The following CIITA variants were observed in gnomAD, a reference collection of about 807,000 sequenced individuals.
CIITA encodes the protein class II major histocompatibility complex transactivator.
Under a neutral mutation model 115.1 loss-of-function variants are expected in CIITA, and 72 were observed. That is an observed-to-expected ratio of 0.63 (90% CI 0.52 to 0.76). The LOEUF (loss-of-function observed/expected upper bound fraction) is 0.76. Among genes scored for constraint, CIITA ranks in the 30% least tolerant of loss-of-function variants. The pLI is 0.00. For missense variants in CIITA, 1,617 were observed against 1,463.8 expected (o/e 1.10, Z -1.71); for synonymous variants, 763 against 635.6 (o/e 1.20, Z -3.02).
intron 2 of CIITA, 42 bp downstream of exon 2, chr16:10,895,470 C>G: frequency 6.2e-7 from 1 of 1,610,316 alleles, no homozygotes. Context: ...ATCCCCCACC[C>G]CTCAGCTTGC....
chr16:10,942,186 G>A lies in CIITA; in HGVS notation n.1312G>A, dbSNP rs60427854. 6.4e-4 allele frequency: 305 copies of A among 473,744 alleles called. 1 individual carries two copies. Among genetic ancestry groups the A allele is most frequent in the African/African-American group, 5.7e-3 (275 of 48,424 alleles). The allele number at this position is 473,744 out of a possible 1,614,324, so 29.3% of individuals were successfully genotyped here. On this transcript the variant is annotated non_coding_transcript_exon_variant, in exon 2 of 2. Coordinates refer to the CIITA transcript ENST00000573379. This position sits in a 1 kb window ranked among gnomAD's most constrained non-coding sequence, Gnocchi z 5.0. ...CCGACCCCCGAAATGCGCCGGGCGG[G>A]TCACCGCACCCCGAGATGTGCCCCC...
exon 1 of CIITA, chr16:10,866,307 C>A (rs147874115): frequency 1.8e-6 from 1 of 568,710 alleles, no homozygotes; most frequent in East Asian, 3.7e-5. Flanking sequence ...ACTTCCAGGC[C>A]ATCCTGACTC....
In CIITA at chr16:10,935,153, G is replaced by A. The variant is rs2040976298; in HGVS notation, c.*11298G>A. On this transcript the variant is annotated 3_prime_UTR_variant, in exon 20 of 20. Coordinates refer to ENST00000324288, the MANE Select transcript of CIITA (RefSeq NM_000246.4). ...AGGCTTAGGAGATGAAGTCTGAGGT[G>A]TTGGTGGAGCTGGGATTTAAACCAA... The A allele has an allele frequency of 6.6e-6, 1 of 152,256 alleles. No individual in the cohort carries two copies. Among genetic ancestry groups the A allele is most frequent in the Non-Finnish European group, 1.5e-5 (1 of 68,036 alleles). 9.4% of individuals were successfully genotyped at this position (152,256 alleles called of 1,614,324 possible).
chr16:10,916,880 C>T (rs1020285192), intron 15 of CIITA: 2 of 354,144 alleles, frequency 5.6e-6, no homozygotes, highest in African/African-American at 2.1e-5. Flanking sequence ...CTACTATGTG[C>T]AGGCACCTTT....
chr16:10,875,698 A>T (rs2035786345), upstream of CIITA, among the ~76,000 whole-genome samples: 1 of 151,932 alleles, frequency 6.6e-6, no homozygotes, highest in Admixed American at 6.6e-5. Context: ...GAGAGGCAGG[A>T]TCTCACTCTG....
At chr16:10,922,532 C>T (rs929148308) in intron 18 of CIITA, 42 bp downstream of exon 18, 35 of 1,598,074 alleles carry the variant, frequency 2.2e-5, no homozygotes, top group Non-Finnish European at 2.8e-5. Flanking sequence ...CAACTCACTC[C>T]CCAGGCGTGT....
In CIITA at chr16:10,907,431, C is replaced by A. The variant is rs372705496; in HGVS notation, c.1939C>A (p.Arg647Ser). ...GGGACTCTATGTCGGCCTGCTGGGC[C>A]GTGCAGCCCTCGACAGCCCCCCCGG... is the stretch of plus-strand genomic sequence containing the variant. ...LTGLYVGLLG[R>S]AALDSPPGAL... Residue 647 changes from arginine (R) to serine (S), a missense_variant, in exon 11 of 20, where the codon CGT becomes AGT. By Grantham distance (110) the Arg-to-Ser change is moderately radical (BLOSUM62 -1). Transcript: ENST00000324288. The surrounding 1 kb of genome is among the most constrained non-coding windows in gnomAD (Gnocchi z 5.0). 4 of 1,613,180 alleles carry A rather than the reference C, an allele frequency of 2.5e-6. No homozygotes were observed. Among genetic ancestry groups the A allele is most frequent in the Middle Eastern group, 1.6e-4 (1 of 6,062 alleles).
chr16:10,890,358 A>G (rs1016832238), intron 1 of CIITA, among the ~76,000 whole-genome samples: 2 of 150,702 alleles, frequency 1.3e-5, no homozygotes, highest in African/African-American at 4.9e-5. Context: ...ATCTCAGTTC[A>G]CTGCAGCCTT....
chr16:10,890,731 CTAA>C (rs1292805175), intron 1 of CIITA, among the ~76,000 whole-genome samples: 2 of 152,186 alleles, frequency 1.3e-5, no homozygotes, highest in African/African-American at 4.8e-5. Flanking sequence ...AAGAAGCAAA[CTAA>C]TAATGATGGC....
At chr16:10,910,507 G>A (rs1004805092) in intron 13 of CIITA, among the ~76,000 whole-genome samples, 4 of 152,180 alleles carry the variant, frequency 2.6e-5, no homozygotes, top group East Asian at 1.9e-4. Context: ...TTCAACAGAG[G>A]TATTGAGCAC....
rs543087884 is a variant in CIITA at position 10,902,916 on chromosome 16, T to A, written c.772+115T>A. ...GTGGTGCCCTAGCACCTTCTCATGA[T>A]CCTCCCTCCCCAGCACAACTTTCTC... On this transcript the variant is annotated intron_variant, in intron 8 of 19. Coordinates refer to ENST00000324288, the MANE Select transcript of CIITA (RefSeq NM_000246.4). The A allele has an allele frequency of 1.0e-5, 13 of 1,256,816 alleles. No homozygotes were observed. In the African/African-American group the frequency reaches 1.9e-4, roughly 18 times the overall value. The allele number at this position is 1,256,816 out of a possible 1,614,324, so 77.9% of individuals were successfully genotyped here. A position where few individuals can be genotyped will look rare whatever the true frequency, so the allele number is the denominator to read the frequency against.
chr16:10,911,252 TCTCTTTCTTTC>T (rs889455566), intron 13 of CIITA, among the ~76,000 whole-genome samples: 5 of 145,804 alleles, frequency 3.4e-5, no homozygotes, highest in Middle Eastern at 3.4e-3. Context: ...TCTTTCTTTC[TCTCTTTCTTTC>T]CTCTTTCTTT....
intron 16 of CIITA, 55 bp downstream of exon 16, chr16:10,918,581 A>AGGGAACCCACATC: frequency 6.7e-7 from 1 of 1,502,610 alleles, no homozygotes. Flanking sequence ...TGCAGAGCGC[A>AGGGAACCCACATC]GGGAACCCAC....
Position 10,907,038 on chromosome 16 carries a change from G to C in CIITA, c.1546G>C (p.Gly516Arg). Residue 516 changes from glycine (G) to arginine (R), a missense_variant, in exon 11 of 20, where the codon GGA becomes CGA. Gly to Arg is a moderately radical substitution (Grantham distance 125, BLOSUM62 -2). Transcript: ENST00000324288. This position sits in a 1 kb window ranked among gnomAD's most constrained non-coding sequence, Gnocchi z 5.0. ...AQDGFLHSTC[G>R]PAPAEPCSLR... ...AGATGGCTTCCTGCACAGCACGTGCGGACCGGCACCGGCGGAGCCCTGCTC... is the reference window on the plus strand; with the variant it reads ...AGATGGCTTCCTGCACAGCACGTGCCGACCGGCACCGGCGGAGCCCTGCTC... The C allele has an allele frequency of 6.2e-7, 1 of 1,607,614 alleles. No individual in the cohort carries two copies. The highest frequency in any genetic ancestry group is 8.5e-7 in the Non-Finnish European group (1 of 1,179,910).
intron 1 of CIITA, among the ~76,000 whole-genome samples, chr16:10,880,855 T>C (rs1024078446): frequency 2.0e-5 from 3 of 152,234 alleles, no homozygotes; most frequent in Non-Finnish European, 2.9e-5. Context: ...ATCTGTAAAA[T>C]GGATAAAACA....
intron 5 of CIITA, among the ~76,000 whole-genome samples, chr16:10,899,876 T>C (rs890547647): frequency 3.9e-5 from 6 of 152,154 alleles, no homozygotes; most frequent in Non-Finnish European, 8.8e-5. Flanking sequence ...GGTCAGGAGT[T>C]TGATACCTGC....
chr16:10,896,748 T>G (rs772927464), intron 3 of CIITA, among the ~76,000 whole-genome samples: 1 of 152,248 alleles, frequency 6.6e-6, no homozygotes, highest in African/African-American at 2.4e-5. Context: ...CTTAGTGGTC[T>G]TCTTCCTGCC....
In CIITA at chr16:10,899,870, A is replaced by G. The variant is rs375740817; in HGVS notation, c.436+868A>G. Among the ~76,000 whole-genome samples, 51 of 152,324 alleles carry G rather than the reference A, an allele frequency of 3.3e-4. No homozygotes were observed. In the East Asian group the frequency reaches 7.1e-3, roughly 21 times the overall value. Reference sequence around the variant, plus strand: ...CAAGGGGGACGGATCACTTGAGGTCAGGAGTTTGATACCTGCCTGGCCAAC... The same window carrying G: ...CAAGGGGGACGGATCACTTGAGGTCGGGAGTTTGATACCTGCCTGGCCAAC... On this transcript the variant is annotated intron_variant, in intron 5 of 19. Coordinates refer to ENST00000324288, the MANE Select transcript of CIITA (RefSeq NM_000246.4).
chr16:10,895,484 A>G lies in CIITA; in HGVS notation c.199+56A>G, dbSNP rs957896987. On this transcript the variant is annotated intron_variant, in intron 2 of 19. Transcript: ENST00000324288. Reference sequence around the variant, plus strand: ...TATCCCCCACCCCTCAGCTTGCTGTAGAGACGGCAATCAGGGGAAATTCTG... The same window carrying G: ...TATCCCCCACCCCTCAGCTTGCTGTGGAGACGGCAATCAGGGGAAATTCTG... The G allele has an allele frequency of 2.0e-5, 32 of 1,607,444 alleles. No individual in the cohort carries two copies. In the African/African-American group the frequency reaches 3.7e-4, roughly 19 times the overall value.
Sources: allele counts gnomAD v4.1 joint callset (sites outside exome capture counted in the v4.1 genomes callset), GRCh38; gene constraint gnomAD v4.1.1; non-coding constraint Gnocchi (gnomAD v3.1); transcripts MANE v1.5; gene names NCBI Gene and HGNC (gene_info 2026-07-23, HGNC 2026-07-21).